The following PKP4 variants were observed in gnomAD, a reference collection of about 807,000 sequenced individuals.
PKP4 encodes plakophilin 4.
PKP4 carries 90 observed loss-of-function variants against 145.1 expected under a neutral mutation model. The ratio of observed to expected loss-of-function variants is 0.62; its 90% confidence interval spans 0.52 to 0.74. The LOEUF is 0.74. Ranked by LOEUF, PKP4 falls within the 30% of genes least tolerant of loss-of-function variation. The probability of loss-of-function intolerance (pLI) is 0.00; values close to 1 mark genes in which losing one functional copy is unlikely to be tolerated. For missense variants in PKP4, 1,340 were observed against 1,482.7 expected (o/e 0.90, Z 1.58); for synonymous variants, 563 against 577.2 (o/e 0.98, Z 0.35).
intron 1 of PKP4, among the ~76,000 whole-genome samples, chr2:158,505,605 G>C (rs536709398): frequency 2.6e-5 from 4 of 152,072 alleles, no homozygotes; most frequent in Non-Finnish European, 4.4e-5. Flanking sequence ...AATGTATTAG[G>C]GGGTGGTGAT....
chr2:158,513,307 T>C (rs1479203563), intron 1 of PKP4, among the ~76,000 whole-genome samples: 1 of 152,160 alleles, frequency 6.6e-6, no homozygotes, highest in Non-Finnish European at 1.5e-5. Context: ...CCTTGTTTCC[T>C]TTCTCTTGAG....
intron 1 of PKP4, among the ~76,000 whole-genome samples, chr2:158,479,352 T>A (rs1203769638): frequency 1.3e-5 from 2 of 152,038 alleles, no homozygotes; most frequent in African/African-American, 4.8e-5. Context: ...GCCTCTCGAG[T>A]AGCTGGAACA....
intron 2 of PKP4, among the ~76,000 whole-genome samples, chr2:158,534,412 T>C (rs2043854870): frequency 6.6e-6 from 1 of 152,216 alleles, no homozygotes; most frequent in Admixed American, 6.5e-5. Flanking sequence ...TTTGAAGTTT[T>C]TAAACTTTCC....
intron 2 of PKP4, among the ~76,000 whole-genome samples, chr2:158,540,294 G>A (rs1405233081): frequency 6.6e-6 from 1 of 152,164 alleles, no homozygotes; most frequent in African/African-American, 2.4e-5. Flanking sequence ...ACTCCATGTG[G>A]CTGTTCACAC....
chr2:158,587,038 AG>A (rs1404862164), intron 3 of PKP4, among the ~76,000 whole-genome samples: 2 of 152,216 alleles, frequency 1.3e-5, no homozygotes, highest in African/African-American at 4.8e-5. Flanking sequence ...TTTTAATCAC[AG>A]CAAATAAGTA....
chr2:158,587,579 A>G (rs568387656), intron 3 of PKP4, among the ~76,000 whole-genome samples: 14 of 152,140 alleles, frequency 9.2e-5, no homozygotes, highest in African/African-American at 3.1e-4. Flanking sequence ...AAAAGCAACA[A>G]TGCTCTTAAA....
rs371094608 is a variant in PKP4, at chr2:158,595,411, A to G, written c.246-7659A>G. Among the ~76,000 whole-genome samples the G allele has an allele frequency of 1.3e-4, 20 of 152,298 alleles. 2 individuals carry two copies. The highest frequency in any genetic ancestry group is 1.2e-3 in the South Asian group (6 of 4,824). ...GCCCACAGGTGAATGCCTGGTCTTA[A>G]TAAGACCAGGGACTTCCATAGGAAT... On this transcript the variant is annotated intron_variant, in intron 3 of 21. Coordinates refer to ENST00000389759, the MANE Select transcript of PKP4 (RefSeq NM_003628.6).
intron 3 of PKP4, among the ~76,000 whole-genome samples, chr2:158,599,815 C>T (rs2050075666): frequency 6.6e-6 from 1 of 152,192 alleles, no homozygotes; most frequent in Admixed American, 6.5e-5. Flanking sequence ...CTCAGGATCA[C>T]CCTATCTCCA....
chr2:158,493,894 GTCT>G lies in PKP4; in HGVS notation c.-6+36681_-6+36683del, dbSNP rs1161225579. Among the ~76,000 whole-genome samples, 3 of 151,732 alleles carry G rather than the reference GTCT, an allele frequency of 2.0e-5. No individual in the cohort carries two copies. The East Asian group carries it at 5.8e-4, about 29-fold the overall frequency. The stretch of plus-strand genomic sequence containing the variant: ...CCACCCTTGTGGACCCCTTTTTTCA[GTCT>G]TCTTTCATTCTCCAGTGTGATTATT... On this transcript the variant is annotated intron_variant, in intron 1 of 21. Coordinates refer to ENST00000389759, the MANE Select transcript of PKP4 (RefSeq NM_003628.6).
chr2:158,544,544 C>T (rs1472103759), intron 2 of PKP4, among the ~76,000 whole-genome samples: 1 of 151,926 alleles, frequency 6.6e-6, no homozygotes, highest in Non-Finnish European at 1.5e-5. Context: ...AAGAAAAGTC[C>T]TCGTTATATT....
At chr2:158,630,517 T>TA in intron 7 of PKP4, among the ~76,000 whole-genome samples, 1 of 152,374 alleles carries the variant, frequency 6.6e-6, no homozygotes, top group South Asian at 2.1e-4. Context: ...CTGATAATAT[T>TA]ACAAAACTTA....
chr2:158,559,874 C>CT lies in PKP4; in HGVS notation c.133-17387dup, dbSNP rs1267613244. Reference sequence around the variant, plus strand: ...TGTACCCACCATCCCTGTACTGGCCCTTTTTTTTTTGAGGCAGAGTCTCAC... The same window carrying CT: ...TGTACCCACCATCCCTGTACTGGCCCTTTTTTTTTTTGAGGCAGAGTCTCAC... On this transcript the variant is annotated intron_variant, in intron 2 of 21. Coordinates refer to ENST00000389759, the MANE Select transcript of PKP4 (RefSeq NM_003628.6). 1.6e-3 allele frequency among the ~76,000 whole-genome samples: 243 copies of CT among 147,724 alleles called. 1 individual carries two copies. Among genetic ancestry groups the CT allele is most frequent in the African/African-American group, 5.0e-3 (201 of 40,442 alleles).
At chr2:158,602,566 T>A (rs1390148148) in intron 3 of PKP4, among the ~76,000 whole-genome samples, 1 of 152,230 alleles carries the variant, frequency 6.6e-6, no homozygotes, top group Admixed American at 6.5e-5. Context: ...TGTCACTTTA[T>A]CCTGGCTTAT....
At chr2:158,585,168 A>G (rs1235933920) in intron 3 of PKP4, among the ~76,000 whole-genome samples, 1 of 152,136 alleles carries the variant, frequency 6.6e-6, no homozygotes, top group Non-Finnish European at 1.5e-5. Flanking sequence ...GTCCCTTCAC[A>G]TTGTTCATTC....
At position 158,673,711 on chromosome 2, in the gene PKP4, G is replaced by C. The variant is rs748026281; in HGVS notation, c.2959G>C (p.Val987Leu). Reference protein sequence around the residue: ...SLKVVKAAAQVLNTLWQYRDL... With the variant: ...SLKVVKAAAQLLNTLWQYRDL... Reference sequence around the variant, plus strand: ...GAAAGTGGTGAAGGCAGCAGCCCAGGTCTTGAATACATTATGGCAATATCG... The same window carrying C: ...GAAAGTGGTGAAGGCAGCAGCCCAGCTCTTGAATACATTATGGCAATATCG... The change falls in exon 18 of 22, where the codon GTC (valine) becomes CTC (leucine). Residue 987 changes from valine to leucine, a missense_variant. Val to Leu is a conservative substitution (Grantham distance 32). Coordinates refer to ENST00000389759, the MANE Select transcript of PKP4 (RefSeq NM_003628.6). The C allele has an allele frequency of 6.2e-7, 1 of 1,613,330 alleles. No individual in the cohort carries two copies. The highest frequency in any genetic ancestry group is 8.5e-7 in the Non-Finnish European group (1 of 1,179,710).
At chr2:158,631,107 TTTTTTTGTA>T (rs2053314610) in intron 7 of PKP4, among the ~76,000 whole-genome samples, 1 of 151,880 alleles carries the variant, frequency 6.6e-6, no homozygotes, top group Admixed American at 6.6e-5. Context: ...CCGGCTAATT[TTTTTTTGTA>T]TTTTTAGTAG....
At chr2:158,523,086 G>T (rs1279464092) in intron 1 of PKP4, among the ~76,000 whole-genome samples, 1 of 152,224 alleles carries the variant, frequency 6.6e-6, no homozygotes, top group Non-Finnish European at 1.5e-5. Flanking sequence ...GCTTGCTTAG[G>T]TAAACAAAGC....
intron 3 of PKP4, among the ~76,000 whole-genome samples, chr2:158,583,238 G>T (rs2048482432): frequency 6.6e-6 from 1 of 152,174 alleles, no homozygotes; most frequent in Non-Finnish European, 1.5e-5. Flanking sequence ...GTTGGGTTGA[G>T]ATTTCACTGG....
chr2:158,620,762 C>T (rs1002496285), intron 4 of PKP4, among the ~76,000 whole-genome samples: 6 of 152,094 alleles, frequency 3.9e-5, no homozygotes, highest in Non-Finnish European at 7.4e-5. Flanking sequence ...TTGAGACTTA[C>T]AATCACAACA....
Sources: gnomAD v4.1 joint callset for allele counts (sites outside exome capture counted in the v4.1 genomes callset) on GRCh38, gnomAD v4.1.1 for gene constraint, MANE v1.5 for transcripts, NCBI Gene and HGNC (gene_info 2026-07-23, HGNC 2026-07-21) for gene names.